SLC35F3: variants seen among roughly 807,000 people sequenced by gnomAD.
The protein encoded by SLC35F3 is solute carrier family 35 member F3, also known as putative thiamine transporter SLC35F3.
SLC35F3 carries 25 observed loss-of-function variants against 49.9 expected under a neutral mutation model. The observed-to-expected ratio is 0.50, with a 90% CI of 0.37 to 0.70. The LOEUF (loss-of-function observed/expected upper bound fraction) is 0.70. Among genes scored for constraint, SLC35F3 ranks in the 30% least tolerant of loss-of-function variants. The probability of loss-of-function intolerance (pLI) is 0.00; values close to 1 mark genes in which losing one functional copy is unlikely to be tolerated. For synonymous variants in SLC35F3, 275 were observed against 265.4 expected (o/e 1.04, Z -0.35); for missense variants, 525 against 639.8 (o/e 0.82, Z 1.94).
chr1:234,031,961 A>G (rs980259831), intron 2 of SLC35F3, among the ~76,000 whole-genome samples: 1 of 152,180 alleles, frequency 6.6e-6, no homozygotes, highest in Non-Finnish European at 1.5e-5. Context: ...AGATGTGTAG[A>G]CAAAAACAAC....
chr1:233,964,756 G>A (rs1662873636), intron 2 of SLC35F3, among the ~76,000 whole-genome samples: 2 of 152,220 alleles, frequency 1.3e-5, no homozygotes, highest in South Asian at 2.1e-4. Flanking sequence ...TCTGATGGTA[G>A]CACCTATGCC....
At chr1:234,109,895 G>C (rs1218416285) in intron 2 of SLC35F3, among the ~76,000 whole-genome samples, 1 of 152,194 alleles carries the variant, frequency 6.6e-6, no homozygotes. Context: ...TTGAAGATGG[G>C]TGTGGCGAGA....
chr1:234,306,311 C>T (rs1466393135), intron 3 of SLC35F3, among the ~76,000 whole-genome samples: 2 of 152,122 alleles, frequency 1.3e-5, no homozygotes, highest in African/African-American at 4.8e-5. Context: ...CCGGTGCTCA[C>T]CACCATGCCT....
At chr1:234,204,416 A>G in intron 2 of SLC35F3, among the ~76,000 whole-genome samples, 1 of 152,174 alleles carries the variant, frequency 6.6e-6, no homozygotes, top group Non-Finnish European at 1.5e-5. Context: ...CTACAACATT[A>G]TTATCTTGTT....
intron 2 of SLC35F3, among the ~76,000 whole-genome samples, chr1:233,942,381 A>T (rs182534525): frequency 0.03 from 4,534 of 152,202 alleles, 127 homozygotes; most frequent in African/African-American, 0.081. Context: ...GACCTGTGAT[A>T]TGAGCACTTA....
At position 234,285,942 on chromosome 1, in the gene SLC35F3, G is replaced by A. The variant is rs532387008; in HGVS notation, c.609-23159G>A. On this transcript the variant is annotated intron_variant, in intron 3 of 7. Coordinates refer to ENST00000366618, the MANE Select transcript of SLC35F3 (RefSeq NM_173508.4). Reference sequence around the variant, plus strand: ...TGTCCCTTATCTCAGTCAACCCAAAGGGAAATTTCTCGGGACTTATAACTG... The same window carrying A: ...TGTCCCTTATCTCAGTCAACCCAAAAGGAAATTTCTCGGGACTTATAACTG... Among the ~76,000 whole-genome samples, 93 of 152,266 alleles carry A rather than the reference G, an allele frequency of 6.1e-4. 1 individual carries two copies. The highest frequency in any genetic ancestry group is 3.4e-3 in the Middle Eastern group (1 of 294).
chr1:234,165,049 TG>T (rs1666293884), intron 2 of SLC35F3, among the ~76,000 whole-genome samples: 1 of 117,694 alleles, frequency 8.5e-6, no homozygotes, highest in Non-Finnish European at 1.9e-5. Flanking sequence ...TGTGTGTGTG[TG>T]TGTGTGTGTG....
chr1:234,275,389 A>C (rs1169080417), intron 3 of SLC35F3, among the ~76,000 whole-genome samples: 1 of 152,218 alleles, frequency 6.6e-6, no homozygotes, highest in Non-Finnish European at 1.5e-5. Context: ...ATTTTGGATA[A>C]GGAATACTCA....
At position 233,920,112 on chromosome 1, in the gene SLC35F3, G is replaced by A. The variant is rs1232140232; in HGVS notation, c.283+14354G>A. Among the ~76,000 whole-genome samples, 6 of 152,134 alleles carry A rather than the reference G, an allele frequency of 3.9e-5. No homozygotes were observed. In the East Asian group the frequency reaches 1.2e-3, roughly 29 times the overall value. ...CAGGAGTTCAATCAGAGATAATACTGCTTTTGTCTCAAGGTGAATATATGA... is the reference window on the plus strand; with the variant it reads ...CAGGAGTTCAATCAGAGATAATACTACTTTTGTCTCAAGGTGAATATATGA... On this transcript the variant is annotated intron_variant, in intron 2 of 7. Coordinates refer to ENST00000366618, the MANE Select transcript of SLC35F3 (RefSeq NM_173508.4).
intron 2 of SLC35F3, among the ~76,000 whole-genome samples, chr1:234,179,466 A>C (rs1384027317): frequency 6.6e-6 from 1 of 152,238 alleles, no homozygotes; most frequent in Non-Finnish European, 1.5e-5. Context: ...ATAATTGTAC[A>C]TCATGGTTCT....
chr1:233,955,861 A>G (rs541101620), intron 2 of SLC35F3, among the ~76,000 whole-genome samples: 1 of 136,980 alleles, frequency 7.3e-6, no homozygotes, highest in South Asian at 2.5e-4. Context: ...GGGAGTCAGC[A>G]GAGGAGGTGT....
Position 234,069,134 on chromosome 1 carries a change from AT to A in SLC35F3, c.284-162282del, listed in dbSNP as rs1445540793. On this transcript the variant is annotated intron_variant, in intron 2 of 7. Transcript: ENST00000366618. ...TTGTATATTTTTGTATATAAAATAT[AT>A]AATATATAATATATTTATAGACAAT... Among the ~76,000 whole-genome samples, 4 of 133,640 alleles carry A rather than the reference AT, an allele frequency of 3.0e-5. 1 individual carries two copies. Among genetic ancestry groups the A allele is most frequent in the African/African-American group, 5.6e-5 (2 of 35,992 alleles). 87.7% of individuals were successfully genotyped at this position (133,640 alleles called of 152,430 possible).
chr1:234,100,425 G>C (rs924638624), intron 2 of SLC35F3, among the ~76,000 whole-genome samples: 13 of 152,190 alleles, frequency 8.5e-5, no homozygotes, highest in African/African-American at 1.4e-4. Context: ...GTATTTTTGA[G>C]TGAAACTCGC....
intron 3 of SLC35F3, among the ~76,000 whole-genome samples, chr1:234,294,195 A>G (rs1668554083): frequency 6.6e-6 from 1 of 152,164 alleles, no homozygotes; most frequent in Non-Finnish European, 1.5e-5. Context: ...CCAAATCCAC[A>G]TACCCTTTCC....
In SLC35F3 at chr1:234,309,144, G is replaced by C. The variant is rs1439856622; in HGVS notation, c.652G>C (p.Val218Leu). ...TGGAGACAATGGCTTGACTTTGAAG[G>C]TGTTTTTTACCAAGGCAGCACCCTT... ...FFGDNGLTLK[V>L]FFTKAAPFGV... The change falls in exon 4 of 8, where the codon GTG becomes CTG. Residue 218 changes from valine to leucine, a missense_variant. Physicochemically the swap from Val to Leu is conservative, Grantham distance 32 (BLOSUM62 1). Coordinates refer to ENST00000366618, the MANE Select transcript of SLC35F3 (RefSeq NM_173508.4). The C allele has an allele frequency of 6.2e-7, 1 of 1,614,018 alleles. No homozygotes were observed. Among genetic ancestry groups the C allele is most frequent in the Non-Finnish European group, 8.5e-7 (1 of 1,180,028 alleles).
chr1:234,318,963 C>T lies in SLC35F3; in HGVS notation c.1147+20C>T. The T allele has an allele frequency of 1.3e-6, 2 of 1,599,818 alleles. No individual in the cohort carries two copies. The highest frequency in any genetic ancestry group is 1.7e-6 in the Non-Finnish European group (2 of 1,171,896). On this transcript the variant is annotated intron_variant, in intron 6 of 7. Coordinates refer to ENST00000366618, the MANE Select transcript of SLC35F3 (RefSeq NM_173508.4). ...TATTGAGTAAGTGCTAATCACCTGT[C>T]CAGAATTCCCAGAAAGCAACCACCC... is the stretch of plus-strand genomic sequence containing the variant.
At chr1:233,950,385 C>CAAA (rs58271294) in intron 2 of SLC35F3, among the ~76,000 whole-genome samples, 3,614 of 31,346 alleles carry the variant, frequency 0.12, 569 homozygotes, top group African/African-American at 0.16. Flanking sequence ...GACTCTGTCT[C>CAAA]AAAAAAAAAA....
intron 3 of SLC35F3, among the ~76,000 whole-genome samples, chr1:234,268,096 A>G (rs1572125423): frequency 1.3e-5 from 2 of 151,958 alleles, no homozygotes; most frequent in Non-Finnish European, 2.9e-5. Flanking sequence ...TGGGAGGCCA[A>G]GGCAGGCGGC....
At chr1:234,195,374 C>G (rs554215045) in intron 2 of SLC35F3, among the ~76,000 whole-genome samples, 2 of 152,312 alleles carry the variant, frequency 1.3e-5, no homozygotes, top group South Asian at 4.1e-4. Flanking sequence ...TCAAACTTGA[C>G]TTTATTCAGG....
Sources: allele counts gnomAD v4.1 joint callset (sites outside exome capture counted in the v4.1 genomes callset), GRCh38; gene constraint gnomAD v4.1.1; transcripts MANE v1.5; gene names NCBI Gene and HGNC (gene_info 2026-07-23, HGNC 2026-07-21).